The following ITGA8 variants were observed in gnomAD, a reference collection of about 807,000 sequenced individuals.
ITGA8 encodes integrin alpha-8.
ITGA8 carries 91 observed loss-of-function variants against 142.3 expected under a neutral mutation model. That is an observed-to-expected ratio of 0.64 (90% CI 0.54 to 0.76). The LOEUF is 0.76. Ranked by LOEUF, ITGA8 falls within the 30% of genes least tolerant of loss-of-function variation. The pLI, the probability that ITGA8 is intolerant of heterozygous loss-of-function variation, is 0.00. For missense variants in ITGA8, 1,406 were observed against 1,327.7 expected, an observed-to-expected ratio of 1.06 and a Z score of -0.92; for synonymous variants, 505 against 485.2, an observed-to-expected ratio of 1.04 and a Z score of -0.54.
chr10:15,707,035 C>T (rs2131733197), intron 2 of ITGA8, among the ~76,000 whole-genome samples: 1 of 152,308 alleles, frequency 6.6e-6, no homozygotes, highest in East Asian at 1.9e-4. Context: ...CCACCTGGCT[C>T]CTTTCCTCAC....
At chr10:15,532,099 T>C (rs1392939528) in intron 27 of ITGA8, among the ~76,000 whole-genome samples, 1 of 152,036 alleles carries the variant, frequency 6.6e-6, no homozygotes, top group Non-Finnish European at 1.5e-5. Flanking sequence ...CCCTGGCCCC[T>C]GGCTAGATGC....
At chr10:15,553,202 A>C (rs1450324988) in intron 26 of ITGA8, among the ~76,000 whole-genome samples, 1 of 152,090 alleles carries the variant, frequency 6.6e-6, no homozygotes, top group African/African-American at 2.4e-5. Context: ...GGTTACAGTA[A>C]GCTGAGATTG....
chr10:15,656,970 A>C (rs1388868696), intron 10 of ITGA8, among the ~76,000 whole-genome samples: 1 of 152,226 alleles, frequency 6.6e-6, no homozygotes, highest in Non-Finnish European at 1.5e-5. Context: ...TGCTCTTTGC[A>C]GAGAAAATGA....
chr10:15,527,906 CTT>C (rs34758919), intron 28 of ITGA8, among the ~76,000 whole-genome samples: 3,215 of 77,774 alleles, frequency 0.041, 774 homozygotes, highest in Middle Eastern at 0.083. Flanking sequence ...TTCGGCTGGG[CTT>C]TTTTTTTTTT....
chr10:15,694,377 TG>T (rs1564412524), intron 2 of ITGA8, among the ~76,000 whole-genome samples: 24 of 121,858 alleles, frequency 2.0e-4, no homozygotes, highest in African/African-American at 7.4e-4. Context: ...ATATCATATA[TG>T]ATAATATATC....
In ITGA8 at chr10:15,561,235, G is replaced by GTATATA. The variant is rs796194795; in HGVS notation, c.2638-3039_2638-3034dup. Among the ~76,000 whole-genome samples the GTATATA allele has an allele frequency of 3.9e-4, 40 of 101,570 alleles. 1 individual carries two copies. The East Asian group carries it at 0.011, about 27-fold the overall frequency. The allele number at this position is 101,570 out of a possible 152,430, so 66.6% of individuals were successfully genotyped here. A position where few individuals can be genotyped will look rare whatever the true frequency, so the allele number is the denominator to read the frequency against. Reference sequence around the variant, plus strand: ...TATATATATATATATATATATATATGTATATATATATATATATATGTATGT... The same window carrying GTATATA: ...TATATATATATATATATATATATATGTATATATATATATATATATATATATGTATGT... On this transcript the variant is annotated intron_variant, in intron 25 of 29. Transcript: ENST00000378076.
chr10:15,703,491 T>C (rs1321939803), intron 2 of ITGA8, among the ~76,000 whole-genome samples: 2 of 152,214 alleles, frequency 1.3e-5, no homozygotes, highest in Admixed American at 1.3e-4. Flanking sequence ...AATAATATTT[T>C]GGATATAATG....
chr10:15,694,710 T>A (rs775243422), intron 2 of ITGA8, among the ~76,000 whole-genome samples: 13 of 142,186 alleles, frequency 9.1e-5, no homozygotes, highest in East Asian at 6.0e-4. Context: ...TATGTCGACA[T>A]ATGTATTTCT....
chr10:15,703,426 T>C (rs904161914), intron 2 of ITGA8, among the ~76,000 whole-genome samples: 4 of 152,194 alleles, frequency 2.6e-5, no homozygotes, highest in Non-Finnish European at 5.9e-5. Flanking sequence ...ACATATAAAT[T>C]GACTAAGTAG....
At chr10:15,677,523 A>C in intron 6 of ITGA8, 69 bp downstream of exon 6, 1 of 1,234,176 alleles carries the variant, frequency 8.1e-7, no homozygotes, top group Admixed American at 2.0e-5. Context: ...AACATTTAAC[A>C]CTACTTCTGG....
At chr10:15,534,570 C>T (rs1833380812) in intron 27 of ITGA8, among the ~76,000 whole-genome samples, 1 of 152,212 alleles carries the variant, frequency 6.6e-6, no homozygotes, top group Non-Finnish European at 1.5e-5. Flanking sequence ...CATGTACCAT[C>T]CATTTGATGG....
intron 25 of ITGA8, among the ~76,000 whole-genome samples, chr10:15,559,078 G>T (rs60201750): frequency 0.4 from 60,574 of 152,032 alleles, 12,745 homozygotes; most frequent in African/African-American, 0.53. Context: ...ATTTCTACAT[G>T]GCCGATGTAG....
At chr10:15,678,089 C>G (rs565784057) in intron 5 of ITGA8, among the ~76,000 whole-genome samples, 20 of 152,176 alleles carry the variant, frequency 1.3e-4, no homozygotes, top group African/African-American at 4.3e-4. Flanking sequence ...AGAGCAAACA[C>G]TCCAGACTAG....
chr10:15,619,867 G>A (rs892230353), intron 13 of ITGA8, among the ~76,000 whole-genome samples: 1 of 152,230 alleles, frequency 6.6e-6, no homozygotes, highest in Non-Finnish European at 1.5e-5. Flanking sequence ...GGAGAGCTCT[G>A]TTATGAAAAC....
chr10:15,561,481 A>G (rs970433632), intron 25 of ITGA8, among the ~76,000 whole-genome samples: 1 of 152,094 alleles, frequency 6.6e-6, no homozygotes, highest in Non-Finnish European at 1.5e-5. Flanking sequence ...GAAAAAGTAG[A>G]GATAGCAAGC....
At chr10:15,719,298 T>C (rs1322198188) in intron 1 of ITGA8, among the ~76,000 whole-genome samples, 1 of 152,208 alleles carries the variant, frequency 6.6e-6, no homozygotes, top group African/African-American at 2.4e-5. Context: ...TGTTCTCTCC[T>C]TTGTAGGATG....
intron 20 of ITGA8, among the ~76,000 whole-genome samples, chr10:15,602,667 A>C (rs919663407): frequency 6.6e-6 from 1 of 151,992 alleles, no homozygotes; most frequent in Non-Finnish European, 1.5e-5. Flanking sequence ...GAGCCCAGGA[A>C]TCGGAGGTTG....
At chr10:15,583,511 A>T (rs1834453192) in intron 23 of ITGA8, among the ~76,000 whole-genome samples, 2 of 152,200 alleles carry the variant, frequency 1.3e-5, no homozygotes, top group Non-Finnish European at 2.9e-5. Flanking sequence ...CTTAAAGTAT[A>T]ATAATAAAAA....
In ITGA8 at chr10:15,669,135, C is replaced by T. The variant is rs186610439; in HGVS notation, c.847+2468G>A. On this transcript the variant is annotated intron_variant, in intron 8 of 29. Coordinates refer to ENST00000378076, the MANE Select transcript of ITGA8 (RefSeq NM_003638.3). Reference sequence around the variant, plus strand: ...GTGTTTTCCAACTTGGTTCTATTCTCCCTGTCACTTTCAGGCACACCAATC... The same window carrying T: ...GTGTTTTCCAACTTGGTTCTATTCTTCCTGTCACTTTCAGGCACACCAATC... Among the ~76,000 whole-genome samples the T allele has an allele frequency of 2.6e-5, 4 of 152,312 alleles. No homozygotes were observed. In the East Asian group the frequency reaches 7.7e-4, roughly 29 times the overall value.
Sources: allele counts gnomAD v4.1 joint callset (sites outside exome capture counted in the v4.1 genomes callset), GRCh38; gene constraint gnomAD v4.1.1; transcripts MANE v1.5; gene names NCBI Gene and HGNC (gene_info 2026-07-23, HGNC 2026-07-21).